Variants in DLEC1 observed in about 807,000 individuals in gnomAD.
The protein encoded by DLEC1 is deleted in lung and esophageal cancer protein 1.
Under a neutral mutation model 198.1 loss-of-function variants are expected in DLEC1, and 146 were observed. The ratio of observed to expected loss-of-function variants is 0.74; its 90% CI spans 0.64 to 0.85. The LOEUF (loss-of-function observed/expected upper bound fraction) is 0.85, where lower values mean the gene tolerates loss of function less well. Among genes scored for constraint, DLEC1 ranks in the 40% least tolerant of loss-of-function variants. DLEC1 has a pLI of 0.00. For synonymous variants in DLEC1, 897 were observed against 866.8 expected (o/e 1.03, Z -0.61); for missense variants, 2,233 against 2,220.0 (o/e 1.01, Z -0.12).
rs150147424 is a variant in DLEC1 at position 38,065,204 on chromosome 3, G to A, written c.1173+1285G>A. On this transcript the variant is annotated intron_variant, in intron 6 of 36. Coordinates refer to ENST00000308059, the MANE Select transcript of DLEC1 (RefSeq NM_007335.4). ...AACACGAAAACCAGTCATGCGTGGC[G>A]GCGCACGCCTGCAATCGCAGGCACT... Among the ~76,000 whole-genome samples the A allele has an allele frequency of 2.6e-3, 391 of 152,374 alleles. 1 individual carries two copies. The highest frequency in any genetic ancestry group is 4.5e-3 in the Non-Finnish European group (305 of 68,038).
At chr3:38,084,557 A>T (rs79022973) in intron 7 of DLEC1, among the ~76,000 whole-genome samples, 9 of 9,238 alleles carry the variant, frequency 9.7e-4, no homozygotes, top group African/African-American at 2.1e-3. Flanking sequence ...TAGTGGTAGT[A>T]GTAGTGGTAG....
intron 5 of DLEC1, 127 bp from the exon 6 acceptor site, chr3:38,063,714 A>G (rs1277505058): frequency 1.5e-6 from 1 of 656,770 alleles, no homozygotes; most frequent in Non-Finnish European, 2.6e-6. Context: ...CCCCCCAACA[A>G]ATGGTATATT....
chr3:38,059,809 A>G lies in DLEC1; in HGVS notation c.630A>G (p.Glu210=), dbSNP rs757153925. The change falls in exon 3 of 37, where the codon GAA becomes GAG. Residue 210 remains glutamate (E), a synonymous_variant. Coordinates refer to ENST00000308059, the MANE Select transcript of DLEC1 (RefSeq NM_007335.4). Reference sequence around the variant, plus strand: ...GGAAACATCATTTGATCTCCCCAGAAGATTACTACACCGATACAGTGCCGT... The same window carrying G: ...GGAAACATCATTTGATCTCCCCAGAGGATTACTACACCGATACAGTGCCGT... ...LLRKHHLISP[E]DYYTDTVPFH... The G allele has an allele frequency of 6.2e-7, 1 of 1,614,192 alleles. No homozygotes were observed. The highest frequency in any genetic ancestry group is 1.3e-5 in the African/African-American group (1 of 75,044).
Position 38,112,066 on chromosome 3 carries a change from C to T in DLEC1, c.3515-144C>T. The T allele has an allele frequency of 1.5e-6, 2 of 1,324,876 alleles. No individual in the cohort carries two copies. Among genetic ancestry groups the T allele is most frequent in the Non-Finnish European group, 1.0e-6 (1 of 953,378 alleles). The allele number at this position is 1,324,876 out of a possible 1,614,324, so 82.1% of individuals were successfully genotyped here. A position where few individuals can be genotyped will look rare whatever the true frequency, so the allele number is the denominator to read the frequency against. ...GTAGCTTGCCTCTGGATTCCAGGCT[C>T]CCAGGAGGAGGGCACATGTAGCCTG... On this transcript the variant is annotated intron_variant, in intron 24 of 36. Transcript: ENST00000308059. The surrounding 1 kb of genome is among the most constrained non-coding windows in gnomAD (Gnocchi z 4.8).
At chr3:38,055,903 A>G (rs1696337512) in intron 2 of DLEC1, among the ~76,000 whole-genome samples, 1 of 152,188 alleles carries the variant, frequency 6.6e-6, no homozygotes, top group South Asian at 2.1e-4. Context: ...ACAAGGTCCT[A>G]AATGCCCAGT....
At chr3:38,087,617 C>T (rs1355008086) in intron 9 of DLEC1, among the ~76,000 whole-genome samples, 1 of 152,130 alleles carries the variant, frequency 6.6e-6, no homozygotes, top group African/African-American at 2.4e-5. Flanking sequence ...GCACTGACAC[C>T]ATCCATTAGC....
Position 38,117,119 on chromosome 3 carries a change from G to A in DLEC1, c.4305+19G>A. The A allele has an allele frequency of 1.2e-6, 2 of 1,613,920 alleles. No homozygotes were observed. Among genetic ancestry groups the A allele is most frequent in the Non-Finnish European group, 1.7e-6 (2 of 1,179,856 alleles). ...CAGCAAGGTGAGCTCTTCCGGCCTG[G>A]GGTGGGGGCCGCAGCCACTGCTCCC... On this transcript the variant is annotated intron_variant, in intron 30 of 36. Transcript: ENST00000308059.
At chr3:38,063,690 A>G in intron 5 of DLEC1, 151 bp from the exon 6 acceptor site, 1 of 565,920 alleles carries the variant, frequency 1.8e-6, no homozygotes, top group Non-Finnish European at 3.1e-6. Flanking sequence ...TGCATTAACA[A>G]TAAGATCCAA....
At position 38,122,306 on chromosome 3, in the gene DLEC1, A is replaced by G. The variant is rs760081904; in HGVS notation, c.5162A>G (p.Glu1721Gly). ...CCCCACAGGAGTAGTGAGCTGTACG[A>G]GTCCACGATGGTGGTGGAAGGTGTG... ...FFTARSSELY[E>G]STMVVEGVLG... The change falls in exon 37 of 37, where the codon GAG (glutamate) becomes GGG (glycine). Residue 1721 changes from glutamate to glycine, a missense_variant. By Grantham distance (98) the Glu-to-Gly change is moderately conservative. Coordinates refer to ENST00000308059, the MANE Select transcript of DLEC1 (RefSeq NM_007335.4). The G allele has an allele frequency of 6.2e-7, 1 of 1,613,616 alleles. No homozygotes were observed. Among genetic ancestry groups the G allele is most frequent in the Non-Finnish European group, 8.5e-7 (1 of 1,179,690 alleles).
In DLEC1 at chr3:38,123,022, T is replaced by C; in HGVS notation, c.*610T>C. On this transcript the variant is annotated 3_prime_UTR_variant, in exon 37 of 37. Coordinates refer to ENST00000308059, the MANE Select transcript of DLEC1 (RefSeq NM_007335.4). ...TGCTAGAGCAGCAGGACTGTCTGCGTAGCGCCTCCAGCCTGGGACCTCACT... is the reference window on the plus strand; with the variant it reads ...TGCTAGAGCAGCAGGACTGTCTGCGCAGCGCCTCCAGCCTGGGACCTCACT... 1.9e-6 allele frequency: 3 copies of C among 1,612,948 alleles called. No individual in the cohort carries two copies. The highest frequency in any genetic ancestry group is 1.3e-5 in the African/African-American group (1 of 75,044).
intron 2 of DLEC1, among the ~76,000 whole-genome samples, chr3:38,052,653 C>T (rs774984549): frequency 7.2e-5 from 11 of 152,172 alleles, no homozygotes; most frequent in Non-Finnish European, 1.3e-4. Flanking sequence ...ATGAGGTCTC[C>T]GTCCACTGGA....
rs1018393312 is a variant in DLEC1, at chr3:38,079,862, CT to C, written c.1174-4290del. On this transcript the variant is annotated intron_variant, in intron 6 of 36. Coordinates refer to ENST00000308059, the MANE Select transcript of DLEC1 (RefSeq NM_007335.4). The stretch of plus-strand genomic sequence containing the variant: ...TCACAGTGGAGGCAAGGAATTGCAA[CT>C]TTTTTCTATTATTGTACACCTTGAA... Among the ~76,000 whole-genome samples, 82 of 152,144 alleles carry C rather than the reference CT, an allele frequency of 5.4e-4. 1 individual carries two copies. Among genetic ancestry groups the C allele is most frequent in the Non-Finnish European group, 2.4e-4 (16 of 68,034 alleles).
At chr3:38,042,830 C>T (rs1700721808) in intron 1 of DLEC1, among the ~76,000 whole-genome samples, 2 of 152,308 alleles carry the variant, frequency 1.3e-5, no homozygotes, top group African/African-American at 4.8e-5. Context: ...GCTGGGATTA[C>T]AGACGTGAGA....
chr3:38,110,347 C>G (rs1180648330), intron 23 of DLEC1, 66 bp downstream of exon 23: 10 of 1,584,494 alleles, frequency 6.3e-6, no homozygotes, highest in Middle Eastern at 1.7e-4. Context: ...TGTTGAGCCT[C>G]TGTGTGGCTT....
chr3:38,049,889 C>A (rs1049927077), intron 2 of DLEC1, among the ~76,000 whole-genome samples: 19 of 152,058 alleles, frequency 1.2e-4, no homozygotes, highest in Middle Eastern at 3.4e-3. Context: ...CTGCTAAAGT[C>A]TCTGTTGCCA....
Position 38,114,459 on chromosome 3 carries a change from A to AGG in DLEC1, c.3785_3785+1dup. ...CCAGGCCCAGAAGGAACCAGCCATG[A>AGG]GGTGCTCCATGCTCAGCCTGAGCCT... On this transcript the variant is annotated frameshift_variant and splice_region_variant, in exon 26 of 37. Transcript: ENST00000308059. LOFTEE classifies it high-confidence loss of function. 6.2e-7 allele frequency: 1 copy of AGG among 1,613,962 alleles called. No individual in the cohort carries two copies. The highest frequency in any genetic ancestry group is 8.5e-7 in the Non-Finnish European group (1 of 1,179,832).
intron 3 of DLEC1, 152 bp from the exon 4 acceptor site, chr3:38,062,017 G>A (rs1696712124): frequency 1.3e-6 from 1 of 750,972 alleles, no homozygotes. Context: ...TAATTCATAT[G>A]TTGAAGAGCA....
At chr3:38,121,961 C>T in intron 35 of DLEC1, 110 bp from the exon 36 acceptor site, 2 of 1,542,500 alleles carry the variant, frequency 1.3e-6, no homozygotes, top group South Asian at 1.2e-5. Context: ...TTGCCCTGCC[C>T]TGCAGTGCTG....
chr3:38,045,765 G>A, intron 2 of DLEC1, 72 bp downstream of exon 2: 1 of 1,467,052 alleles, frequency 6.8e-7, no homozygotes, highest in Non-Finnish European at 9.1e-7. Flanking sequence ...TTGCTCCATT[G>A]CCCACTCTCT....
Sources: allele counts gnomAD v4.1 joint callset (sites outside exome capture counted in the v4.1 genomes callset), GRCh38; gene constraint gnomAD v4.1.1; non-coding constraint Gnocchi (gnomAD v3.1); transcripts MANE v1.5; gene names NCBI Gene and HGNC (gene_info 2026-07-23, HGNC 2026-07-21).